The following MEI1 variants were observed in gnomAD, a reference collection of about 807,000 sequenced individuals.
The protein encoded by MEI1 is meiotic double-stranded break formation protein 1, also known as meiosis inhibitor protein 1.
In MEI1, 103 loss-of-function variants were observed where a neutral mutation model predicts 146.2. That is an observed-to-expected ratio of 0.70 (90% CI 0.60 to 0.83). MEI1 has a LOEUF of 0.83. MEI1 is among the 40% of genes least tolerant of loss of function. The pLI is 0.00. For synonymous variants in MEI1, 652 were observed against 628.2 expected (o/e 1.04, Z -0.57); for missense variants, 1,529 against 1,533.0 (o/e 1.00, Z 0.04).
chr22:41,776,298 G>T (rs1465036490), intron 21 of MEI1, 31 bp downstream of exon 21: 3 of 1,611,068 alleles, frequency 1.9e-6, no homozygotes, highest in Admixed American at 3.3e-5. Flanking sequence ...GGCACACTTT[G>T]ACCTGAAAGC....
intron 23 of MEI1, 97 bp from the exon 24 acceptor site, chr22:41,781,588 G>A: frequency 7.0e-7 from 1 of 1,423,544 alleles, no homozygotes; most frequent in South Asian, 1.3e-5. Flanking sequence ...TCCTCTGTTT[G>A]TTTGTGAAGC....
At chr22:41,726,998 C>A (rs1235355061) in intron 7 of MEI1, among the ~76,000 whole-genome samples, 1 of 152,074 alleles carries the variant, frequency 6.6e-6, no homozygotes, top group Non-Finnish European at 1.5e-5. Flanking sequence ...TGGTCTCGAT[C>A]TCCTGACCTC....
At chr22:41,710,331 T>C (rs923068230) in intron 3 of MEI1, among the ~76,000 whole-genome samples, 9 of 152,180 alleles carry the variant, frequency 5.9e-5, no homozygotes, top group African/African-American at 2.2e-4. Context: ...CAGTCTGTGG[T>C]ATTTTATTAT....
intron 26 of MEI1, among the ~76,000 whole-genome samples, chr22:41,785,906 T>TC (rs139547): frequency 7.8e-6 from 1 of 127,736 alleles, no homozygotes; most frequent in Non-Finnish European, 1.7e-5. Flanking sequence ...TTTTTTTATT[T>TC]TTTATTTTAT....
At chr22:41,754,465 G>T (rs539426244) in intron 17 of MEI1, among the ~76,000 whole-genome samples, 1 of 151,208 alleles carries the variant, frequency 6.6e-6, no homozygotes, top group Non-Finnish European at 1.5e-5. Context: ...AGACAGTCTC[G>T]CTCTGTTGCC....
intron 2 of MEI1, among the ~76,000 whole-genome samples, chr22:41,705,118 G>C (rs765794689): frequency 6.6e-6 from 1 of 151,918 alleles, no homozygotes; most frequent in Non-Finnish European, 1.5e-5. Flanking sequence ...TTTAGACTTA[G>C]AATTTACAAT....
chr22:41,735,206 C>T (rs927367374), intron 11 of MEI1, among the ~76,000 whole-genome samples: 19 of 150,674 alleles, frequency 1.3e-4, no homozygotes, highest in African/African-American at 4.4e-4. Context: ...TCGTGATCCG[C>T]CCGCTTCGGC....
chr22:41,716,880 G>A (rs1259227571), intron 5 of MEI1, among the ~76,000 whole-genome samples: 3 of 151,286 alleles, frequency 2.0e-5, no homozygotes, highest in African/African-American at 4.9e-5. Flanking sequence ...TAGTAGAGAC[G>A]GAGTTTCACC....
intron 3 of MEI1, among the ~76,000 whole-genome samples, chr22:41,706,781 AG>A (rs1313259078): frequency 6.6e-6 from 1 of 152,134 alleles, no homozygotes; most frequent in Admixed American, 6.5e-5. Context: ...TAGAGAAAGA[AG>A]GTAAGAGCCC....
intron 12 of MEI1, among the ~76,000 whole-genome samples, chr22:41,744,425 G>C (rs562664666): frequency 6.6e-6 from 1 of 151,024 alleles, no homozygotes; most frequent in South Asian, 2.1e-4. Flanking sequence ...GCCTGCCTTG[G>C]CCTCCCAAAG....
intron 17 of MEI1, among the ~76,000 whole-genome samples, chr22:41,754,260 T>TA (rs1328474600): frequency 1.3e-5 from 2 of 152,212 alleles, no homozygotes; most frequent in East Asian, 3.9e-4. Context: ...CCTGGCACCT[T>TA]AGAGTTGAGA....
Position 41,785,293 on chromosome 22 carries a change from A to G in MEI1, c.3345+510A>G, listed in dbSNP as rs192713291. ...TTTATTATTTTTTTAGACGGAGTCT[A>G]GCTCTGTCGCCCAGGCTGGTGTGTG... On this transcript the variant is annotated intron_variant, in intron 26 of 30. Coordinates refer to ENST00000401548, the MANE Select transcript of MEI1 (RefSeq NM_152513.4). 5.1e-3 allele frequency among the ~76,000 whole-genome samples: 755 copies of G among 147,454 alleles called. 2 individuals carry two copies. Among genetic ancestry groups the G allele is most frequent in the African/African-American group, 0.018 (702 of 39,718 alleles).
chr22:41,711,582 T>G (rs1351568299), intron 3 of MEI1, among the ~76,000 whole-genome samples: 2 of 152,128 alleles, frequency 1.3e-5, no homozygotes, highest in Non-Finnish European at 2.9e-5. Flanking sequence ...AGACTAAGGG[T>G]GAGGGGTGAA....
At position 41,795,815 on chromosome 22, in the gene MEI1, C is replaced by T. The variant is rs781671730; in HGVS notation, c.3747C>T (p.Thr1249=). The T allele has an allele frequency of 1.9e-6, 3 of 1,613,778 alleles. No homozygotes were observed. Among genetic ancestry groups the T allele is most frequent in the Non-Finnish European group, 2.5e-6 (3 of 1,179,798 alleles). The change falls in exon 30 of 31, where the codon ACC becomes ACT. Residue 1249 remains threonine, a synonymous_variant. Coordinates refer to ENST00000401548, the MANE Select transcript of MEI1 (RefSeq NM_152513.4). This position sits in a 1 kb window ranked among gnomAD's most constrained non-coding sequence, Gnocchi z 4.2. The stretch of plus-strand genomic sequence containing the variant: ...CCTTGGAGGGCCTTCCCCCTAGCAC[C>T]TCCTCAGGCCAGCCACCCCTGCAGG... ...QASLEGLPPS[T]SSGQPPLQDM... is the part of the protein sequence containing the mutation.
chr22:41,763,323 T>G lies in MEI1; in HGVS notation c.2268+2T>G. The G allele has an allele frequency of 6.2e-7, 1 of 1,613,492 alleles. No individual in the cohort carries two copies. On this transcript the variant is annotated splice_donor_variant, in intron 19 of 30. Coordinates refer to ENST00000401548, the MANE Select transcript of MEI1 (RefSeq NM_152513.4). LOFTEE classifies it high-confidence loss of function. ...GACAAAGACAATACACTACGTGAGG[T>G]ATGGACCACAATGCCTGGGCTCCTT... is the stretch of plus-strand genomic sequence containing the variant.
chr22:41,786,119 C>G (rs1262680569), intron 26 of MEI1, among the ~76,000 whole-genome samples: 2 of 150,416 alleles, frequency 1.3e-5, no homozygotes, highest in Non-Finnish European at 3.0e-5. Flanking sequence ...ACCGTGTTAG[C>G]CAGGATGGTC....
chr22:41,767,741 A>G (rs2074948166), intron 19 of MEI1: 1 of 397,724 alleles, frequency 2.5e-6, no homozygotes. Context: ...AAATGAATCA[A>G]ACAAGTTCCT....
chr22:41,734,785 G>A (rs537800459), intron 11 of MEI1, among the ~76,000 whole-genome samples: 1 of 151,372 alleles, frequency 6.6e-6, no homozygotes, highest in Admixed American at 6.6e-5. Context: ...CTACAGGTGC[G>A]TGCCACCATG....
chr22:41,741,623 G>A (rs2072875313), intron 11 of MEI1, among the ~76,000 whole-genome samples: 1 of 152,202 alleles, frequency 6.6e-6, no homozygotes, highest in South Asian at 2.1e-4. Context: ...TCATAGAATG[G>A]GGAATCACTT....
Sources: gnomAD v4.1 joint callset for allele counts (sites outside exome capture counted in the v4.1 genomes callset) on GRCh38, gnomAD v4.1.1 for gene constraint, Gnocchi (gnomAD v3.1) non-coding constraint, MANE v1.5 for transcripts, NCBI Gene and HGNC (gene_info 2026-07-23, HGNC 2026-07-21) for gene names.